The following PTPRT variants were observed in gnomAD, a reference collection of about 807,000 sequenced individuals.
The protein encoded by PTPRT is protein tyrosine phosphatase receptor type T, also known as receptor-type tyrosine-protein phosphatase T.
In PTPRT, 56 loss-of-function variants were observed where a neutral mutation model predicts 176.8. The ratio of observed to expected loss-of-function variants is 0.32; its 90% CI spans 0.26 to 0.40. PTPRT has a LOEUF of 0.40. Among genes scored for constraint, PTPRT ranks in the 10% least tolerant of loss-of-function variants. The probability of loss-of-function intolerance (pLI) is 1.00; values close to 1 mark genes in which losing one functional copy is unlikely to be tolerated. For synonymous variants in PTPRT, 783 were observed against 739.0 expected, an observed-to-expected ratio of 1.06 and a Z score of -0.96; for missense variants, 1,540 against 1,908.2, an observed-to-expected ratio of 0.81 and a Z score of 3.60.
chr20:42,525,233 G>T (rs1187726085), intron 7 of PTPRT, among the ~76,000 whole-genome samples: 1 of 152,058 alleles, frequency 6.6e-6, no homozygotes, highest in Non-Finnish European at 1.5e-5. Flanking sequence ...TGATCTTCCT[G>T]CCTCAGCCTC....
chr20:42,980,168 T>C (rs2146084219), intron 1 of PTPRT, among the ~76,000 whole-genome samples: 1 of 152,244 alleles, frequency 6.6e-6, no homozygotes, highest in South Asian at 2.1e-4. Context: ...TTTTCTGCCT[T>C]GGAGCAGTAG....
rs542457498 is a variant in PTPRT, at chr20:43,189,464, C to G, written c.88+182G>C. Among the ~76,000 whole-genome samples, 1 of 151,910 alleles carries G rather than the reference C, an allele frequency of 6.6e-6. No individual in the cohort carries two copies. Among genetic ancestry groups the G allele is most frequent in the African/African-American group, 2.4e-5 (1 of 41,462 alleles). On this transcript the variant is annotated intron_variant, in intron 1 of 30. Transcript: ENST00000373187. The surrounding 1 kb of genome is among the most constrained non-coding windows in gnomAD (Gnocchi z 5.0). ...CGAGGGACGCGAGGGGCCGGGCTCG[C>G]TGGCCGGGGCGCGCGGGGACACTGC... is the stretch of plus-strand genomic sequence containing the variant.
chr20:42,665,050 A>T (rs1366867408), intron 7 of PTPRT, among the ~76,000 whole-genome samples: 1 of 152,174 alleles, frequency 6.6e-6, no homozygotes, highest in East Asian at 1.9e-4. Flanking sequence ...CAAGGACTTC[A>T]TGTCTAAAAC....
Position 42,142,560 on chromosome 20 carries a change from C to T in PTPRT, c.2683-558G>A, listed in dbSNP as rs1396378910. ...GTAACATTTTAGTTACAGTAGTCCT[C>T]CCTTATCCTTGGAGGATTTGTTCAA... On this transcript the variant is annotated intron_variant, in intron 17 of 30. Transcript: ENST00000373187. Among the ~76,000 whole-genome samples, 3 of 152,112 alleles carry T rather than the reference C, an allele frequency of 2.0e-5. No individual in the cohort carries two copies. In the East Asian group the frequency reaches 5.8e-4, roughly 29 times the overall value.
intron 15 of PTPRT, among the ~76,000 whole-genome samples, chr20:42,203,705 T>G (rs563961919): frequency 6.6e-6 from 1 of 152,156 alleles, no homozygotes; most frequent in Admixed American, 6.5e-5. Flanking sequence ...TTAATCCACA[T>G]GGAACATGAA....
intron 5 of PTPRT, among the ~76,000 whole-genome samples, chr20:42,768,086 C>G (rs1031462022): frequency 6.7e-6 from 1 of 150,334 alleles, no homozygotes; most frequent in African/African-American, 2.4e-5. Context: ...TGCACATAAG[C>G]CTGGATTTAA....
chr20:42,457,068 A>G (rs1452277869), intron 8 of PTPRT, among the ~76,000 whole-genome samples: 2 of 152,210 alleles, frequency 1.3e-5, no homozygotes, highest in Admixed American at 6.5e-5. Context: ...ATTTATTGGT[A>G]TAAGATTATA....
chr20:42,104,818 A>G, intron 24 of PTPRT, 100 bp from the exon 25 acceptor site: 2 of 1,254,242 alleles, frequency 1.6e-6, no homozygotes, highest in Non-Finnish European at 2.2e-6. Context: ...AATAGACATG[A>G]TTTATCAATA....
chr20:43,087,310 TGCTGGTG>T (rs1363274456), intron 1 of PTPRT, among the ~76,000 whole-genome samples: 1 of 151,292 alleles, frequency 6.6e-6, no homozygotes, highest in Non-Finnish European at 1.5e-5. Flanking sequence ...TTCAAAATGG[TGCTGGTG>T]GCCTCACACC....
In PTPRT at chr20:42,622,303, G is replaced by A. The variant is rs190744136; in HGVS notation, c.1153+55563C>T. ...GCTGCCCAGGCTGGAGTGCAGTGGCGCCATCTCGGCTCACTGCAAGCTCCA... is the reference window on the plus strand; with the variant it reads ...GCTGCCCAGGCTGGAGTGCAGTGGCACCATCTCGGCTCACTGCAAGCTCCA... On this transcript the variant is annotated intron_variant, in intron 7 of 30. Coordinates refer to ENST00000373187, the MANE Select transcript of PTPRT (RefSeq NM_007050.6). 5.6e-3 allele frequency among the ~76,000 whole-genome samples: 847 copies of A among 151,646 alleles called. 3 individuals are homozygous for A. Among genetic ancestry groups the A allele is most frequent in the Non-Finnish European group, 7.4e-3 (503 of 67,910 alleles).
intron 1 of PTPRT, among the ~76,000 whole-genome samples, chr20:43,156,583 T>C (rs957463689): frequency 4.6e-5 from 7 of 152,316 alleles, no homozygotes; most frequent in Admixed American, 4.6e-4. Flanking sequence ...AAACCTGTCC[T>C]GAGACCCCAC....
At chr20:42,967,783 C>T (rs543578131) in intron 1 of PTPRT, among the ~76,000 whole-genome samples, 4 of 151,792 alleles carry the variant, frequency 2.6e-5, no homozygotes, top group Admixed American at 6.6e-5. Context: ...TCCTCATTGC[C>T]CTCGCTGCCT....
At chr20:42,523,864 C>T (rs1173938465) in intron 7 of PTPRT, among the ~76,000 whole-genome samples, 1 of 152,014 alleles carries the variant, frequency 6.6e-6, no homozygotes, top group Non-Finnish European at 1.5e-5. Flanking sequence ...CATGTGCCTA[C>T]AGTTCTAGCT....
intron 1 of PTPRT, among the ~76,000 whole-genome samples, chr20:43,129,172 T>C (rs960034426): frequency 1.3e-5 from 2 of 152,114 alleles, no homozygotes; most frequent in African/African-American, 4.8e-5. Flanking sequence ...CAAGGGGGTG[T>C]AGGGGGCATA....
chr20:42,272,729 A>G (rs1344932660), intron 13 of PTPRT, among the ~76,000 whole-genome samples: 2 of 152,040 alleles, frequency 1.3e-5, no homozygotes, highest in Admixed American at 6.5e-5. Flanking sequence ...GCGCACACAC[A>G]CACACACACA....
chr20:42,383,660 A>G (rs2058716958), intron 9 of PTPRT, among the ~76,000 whole-genome samples: 1 of 152,206 alleles, frequency 6.6e-6, no homozygotes, highest in Non-Finnish European at 1.5e-5. Flanking sequence ...TAATGCAAGC[A>G]TATTATATTT....
intron 6 of PTPRT, among the ~76,000 whole-genome samples, chr20:42,734,683 G>A (rs1023755650): frequency 6.6e-6 from 1 of 152,202 alleles, no homozygotes; most frequent in African/African-American, 2.4e-5. Context: ...GAATCTTGAT[G>A]TACGCAGATA....
chr20:42,282,094 C>T (rs754939442), intron 13 of PTPRT, among the ~76,000 whole-genome samples: 4 of 151,994 alleles, frequency 2.6e-5, no homozygotes, highest in East Asian at 3.9e-4. Flanking sequence ...ACCAACAGAA[C>T]GAAGTACAGA....
intron 9 of PTPRT, among the ~76,000 whole-genome samples, chr20:42,361,494 G>C (rs1249226248): frequency 6.6e-6 from 1 of 152,106 alleles, no homozygotes; most frequent in African/African-American, 2.4e-5. Context: ...TCTAAGATTA[G>C]GTCATGAAGG....
Sources: allele counts gnomAD v4.1 joint callset (sites outside exome capture counted in the v4.1 genomes callset), GRCh38; gene constraint gnomAD v4.1.1; non-coding constraint Gnocchi (gnomAD v3.1); transcripts MANE v1.5; gene names NCBI Gene and HGNC (gene_info 2026-07-23, HGNC 2026-07-21).